Variants in SEMA3A observed in about 807,000 individuals in gnomAD.
SEMA3A encodes semaphorin 3A, also known as semaphorin-3A.
SEMA3A carries 29 observed loss-of-function variants against 97.9 expected under a neutral mutation model. The ratio of observed to expected loss-of-function variants is 0.30; its 90% CI spans 0.22 to 0.40. The LOEUF (loss-of-function observed/expected upper bound fraction) is 0.40, where lower values mean the gene tolerates loss of function less well. SEMA3A is among the 10% of genes least tolerant of loss of function. The pLI is 1.00. For synonymous variants in SEMA3A, 321 were observed against 323.7 expected (o/e 0.99, Z 0.09); for missense variants, 763 against 951.3 (o/e 0.80, Z 2.60).
rs1348242265 is a variant in SEMA3A at position 84,143,994 on chromosome 7, C to CACAA, written c.113-9044_113-9043insTTGT. Among the ~76,000 whole-genome samples, 448 of 137,616 alleles carry CACAA rather than the reference C, an allele frequency of 3.3e-3. 2 individuals are homozygous for CACAA. The highest frequency in any genetic ancestry group is 0.012 in the African/African-American group (428 of 35,240). 90.3% of individuals were successfully genotyped at this position (137,616 alleles called of 152,430 possible). Reference sequence around the variant, plus strand: ...ACACACACACACACACACACACACACAATTTATTGTGTATGCATTATCCTT... The same window carrying CACAA: ...ACACACACACACACACACACACACACACAAAATTTATTGTGTATGCATTATCCTT... On this transcript the variant is annotated intron_variant, in intron 1 of 16. Transcript: ENST00000265362.
intron 3 of SEMA3A, among the ~76,000 whole-genome samples, chr7:84,293,081 CTT>C (rs1040053403): frequency 6.6e-6 from 1 of 151,928 alleles, no homozygotes; most frequent in Non-Finnish European, 1.5e-5. Flanking sequence ...GTTATAAAAA[CTT>C]GGTTTTTGCA....
At chr7:84,349,285 T>C (rs185612248) in intron 2 of SEMA3A, among the ~76,000 whole-genome samples, 56 of 152,266 alleles carry the variant, frequency 3.7e-4, no homozygotes, top group African/African-American at 1.1e-3. Context: ...CCTCCACTCC[T>C]TTCATCTTTC....
intron 1 of SEMA3A, among the ~76,000 whole-genome samples, chr7:84,168,229 T>C (rs1264253081): frequency 6.6e-6 from 1 of 152,018 alleles, no homozygotes; most frequent in Non-Finnish European, 1.5e-5. Context: ...GACAAAATAA[T>C]GTGCCTCTTG....
intron 1 of SEMA3A, among the ~76,000 whole-genome samples, chr7:84,422,589 T>C (rs1804631444): frequency 2.6e-5 from 4 of 152,120 alleles, no homozygotes; most frequent in African/African-American, 9.7e-5. Flanking sequence ...CTTCTCCAGT[T>C]CTTTTAATTG....
intron 3 of SEMA3A, among the ~76,000 whole-genome samples, chr7:84,260,703 C>G (rs1290989996): frequency 6.6e-6 from 1 of 152,116 alleles, no homozygotes; most frequent in Non-Finnish European, 1.5e-5. Context: ...ACTTTGGGCA[C>G]AAATGAGCAT....
At chr7:84,302,587 T>C (rs778030403) in intron 3 of SEMA3A, among the ~76,000 whole-genome samples, 2 of 152,192 alleles carry the variant, frequency 1.3e-5, no homozygotes, top group Non-Finnish European at 2.9e-5. Flanking sequence ...TACTCAATCT[T>C]TCTTGCTCCT....
In SEMA3A at chr7:84,014,303, T is replaced by G. The variant is rs1011300050; in HGVS notation, c.716A>C (p.Glu239Ala). Residue 239 changes from glutamate (E) to alanine (A), a missense_variant, in exon 7 of 17, where the codon GAA (glutamate) becomes GCA (alanine). Glu to Ala is a moderately radical substitution (Grantham distance 107). This residue lies in a region of SEMA3A where 678 missense variants were observed against 881.3 expected (regional missense o/e 0.77). Transcript: ENST00000265362. Reference sequence around the variant, plus strand: ...GAAGAAAAAGTATACTTTGTCATCTTCAGGATTGTCACTCTCTGAGATGAG... The same window carrying G: ...GAAGAAAAAGTATACTTTGTCATCTGCAGGATTGTCACTCTCTGAGATGAG... ...AHLISESDNP[E>A]DDKVYFFFRE... 4 of 1,612,570 alleles carry G rather than the reference T, an allele frequency of 2.5e-6. No individual in the cohort carries two copies. Among genetic ancestry groups the G allele is most frequent in the Non-Finnish European group, 2.5e-6 (3 of 1,179,056 alleles).
chr7:84,361,925 T>C (rs941647810), intron 2 of SEMA3A, among the ~76,000 whole-genome samples: 1 of 151,958 alleles, frequency 6.6e-6, no homozygotes, highest in South Asian at 2.1e-4. Context: ...CTTATTCTAT[T>C]TCTATGATAG....
chr7:84,175,067 G>A (rs1437830686), intron 1 of SEMA3A, among the ~76,000 whole-genome samples: 1 of 152,076 alleles, frequency 6.6e-6, no homozygotes, highest in Non-Finnish European at 1.5e-5. Context: ...CACTTGTCTG[G>A]AATCATATAT....
intron 3 of SEMA3A, among the ~76,000 whole-genome samples, chr7:84,227,482 C>T (rs184112731): frequency 1.3e-5 from 2 of 151,968 alleles, no homozygotes; most frequent in East Asian, 3.9e-4. Context: ...GAAATAGCTG[C>T]CTGGAAAAGT....
rs550513214 is a variant in SEMA3A at position 84,316,313 on chromosome 7, A to G, written c.-168-9021T>C. 2.0e-5 allele frequency among the ~76,000 whole-genome samples: 3 copies of G among 152,120 alleles called. No individual in the cohort carries two copies. The South Asian group carries it at 6.2e-4, about 32-fold the overall frequency. ...GTTGCAGTATAATTATTGTAACCAAATTAAATCCAAAGTAAGCACCAATAT... is the reference window on the plus strand; with the variant it reads ...GTTGCAGTATAATTATTGTAACCAAGTTAAATCCAAAGTAAGCACCAATAT... On this transcript the variant is annotated intron_variant, in intron 2 of 3. Coordinates refer to the SEMA3A transcript ENST00000424555.
chr7:84,352,092 T>A (rs1296954970), intron 2 of SEMA3A, among the ~76,000 whole-genome samples: 1 of 149,486 alleles, frequency 6.7e-6, no homozygotes, highest in Admixed American at 6.7e-5. Flanking sequence ...TGGATGGAAC[T>A]GGAGGACCTT....
chr7:84,027,283 C>A (rs1228452274), intron 6 of SEMA3A, among the ~76,000 whole-genome samples: 3 of 152,164 alleles, frequency 2.0e-5, no homozygotes, highest in Non-Finnish European at 2.9e-5. Flanking sequence ...GGGATTCCCA[C>A]AACTTTTATT....
chr7:84,359,412 C>T lies in SEMA3A; in HGVS notation c.-169+12412G>A, dbSNP rs541269623. 6.0e-5 allele frequency among the ~76,000 whole-genome samples: 9 copies of T among 151,144 alleles called. No individual in the cohort carries two copies. In the South Asian group the frequency reaches 1.0e-3, roughly 18 times the overall value. ...TTGAGATAATCATGTGGTTTTTGTC[C>T]TTGGTTCTGTTTATATGCTGGATTA... On this transcript the variant is annotated intron_variant, in intron 2 of 3. Transcript: ENST00000424555.
At chr7:84,361,233 A>C (rs942695075) in intron 2 of SEMA3A, among the ~76,000 whole-genome samples, 5 of 152,118 alleles carry the variant, frequency 3.3e-5, no homozygotes, top group Admixed American at 6.6e-5. Flanking sequence ...GAGACAAACC[A>C]GGAACATGTT....
chr7:84,316,691 A>T (rs1362742946), intron 2 of SEMA3A, among the ~76,000 whole-genome samples: 2 of 152,220 alleles, frequency 1.3e-5, no homozygotes, highest in Non-Finnish European at 2.9e-5. Context: ...TATAAAGTGG[A>T]TTTTTTTATC....
intron 3 of SEMA3A, among the ~76,000 whole-genome samples, chr7:84,235,692 A>G (rs1174011834): frequency 6.6e-6 from 1 of 152,098 alleles, no homozygotes; most frequent in Non-Finnish European, 1.5e-5. Context: ...ATTCTACTAA[A>G]GTGGTTCTCA....
intron 4 of SEMA3A, among the ~76,000 whole-genome samples, chr7:84,064,408 C>T (rs1173126844): frequency 1.3e-5 from 2 of 152,160 alleles, no homozygotes; most frequent in African/African-American, 2.4e-5. Context: ...GGATCAAATT[C>T]ACACATAACA....
At chr7:83,981,959 G>C (rs987018604) in intron 13 of SEMA3A, among the ~76,000 whole-genome samples, 2 of 150,496 alleles carry the variant, frequency 1.3e-5, no homozygotes, top group Non-Finnish European at 3.0e-5. Context: ...CAAAATTTTG[G>C]TGCTTACATT....
Sources: allele counts gnomAD v4.1 joint callset (sites outside exome capture counted in the v4.1 genomes callset), GRCh38; gene constraint gnomAD v4.1.1; regional missense constraint gnomAD v4.1.1; transcripts MANE v1.5; gene names NCBI Gene and HGNC (gene_info 2026-07-23, HGNC 2026-07-21).